The following ACYP2 variants were observed in gnomAD, a reference collection of about 807,000 sequenced individuals.
ACYP2 encodes acylphosphatase 2, also known as acylphosphatase-2.
ACYP2 carries 12 observed loss-of-function variants against 11.2 expected under a neutral mutation model. The observed-to-expected ratio is 1.08, with a 90% CI of 0.69 to 1.74. ACYP2 has a LOEUF of 1.74. ACYP2 is among the 40% of genes most tolerant of loss of function. The pLI is 0.00. For missense variants in ACYP2, 134 were observed against 101.9 expected, an observed-to-expected ratio of 1.31 and a Z score of -1.35; for synonymous variants, 43 against 32.2, an observed-to-expected ratio of 1.33 and a Z score of -1.13.
intron 6 of ACYP2, among the ~76,000 whole-genome samples, chr2:54,280,337 G>T (rs1688792364): frequency 6.6e-6 from 1 of 152,188 alleles, no homozygotes; most frequent in African/African-American, 2.4e-5. Context: ...CAGAATGCAG[G>T]AGGAAGAGCA....
At chr2:54,002,685 C>G (rs1013305463) in intron 2 of ACYP2, among the ~76,000 whole-genome samples, 5 of 138,270 alleles carry the variant, frequency 3.6e-5, no homozygotes, top group Non-Finnish European at 7.8e-5. Flanking sequence ...GAGTTTCGCT[C>G]TTGCTGCCCA....
chr2:54,274,267 C>T (rs1273960528), intron 6 of ACYP2, among the ~76,000 whole-genome samples: 2 of 152,094 alleles, frequency 1.3e-5, no homozygotes, highest in East Asian at 1.9e-4. Flanking sequence ...ATTGCAAGAA[C>T]AGGGCAGGAA....
chr2:54,008,852 C>CA (rs927732220), intron 2 of ACYP2, among the ~76,000 whole-genome samples: 7 of 151,878 alleles, frequency 4.6e-5, no homozygotes, highest in African/African-American at 1.7e-4. Context: ...AAAGTTGTGT[C>CA]AAAAAAATAT....
At chr2:54,131,110 CTTAAAA>C (rs1466315355) in intron 4 of ACYP2, among the ~76,000 whole-genome samples, 1 of 152,222 alleles carries the variant, frequency 6.6e-6, no homozygotes, top group Non-Finnish European at 1.5e-5. Flanking sequence ...ATTCTTTGCA[CTTAAAA>C]TTAGACAATT....
At chr2:54,060,663 G>C (rs1420794072) in intron 4 of ACYP2, among the ~76,000 whole-genome samples, 4 of 152,164 alleles carry the variant, frequency 2.6e-5, no homozygotes, top group Admixed American at 6.5e-5. Context: ...TGGTATGATA[G>C]AATTTTATCA....
At chr2:54,192,506 T>C (rs528747464) in intron 6 of ACYP2, among the ~76,000 whole-genome samples, 7 of 152,188 alleles carry the variant, frequency 4.6e-5, no homozygotes, top group Non-Finnish European at 1.0e-4. Context: ...GAAGATAACA[T>C]ATCCAGTTTT....
intron 4 of ACYP2, among the ~76,000 whole-genome samples, chr2:54,069,797 T>A (rs907164789): frequency 1.3e-5 from 2 of 152,196 alleles, no homozygotes; most frequent in Admixed American, 6.5e-5. Context: ...GGCCACTAAG[T>A]TTTTGAATTT....
intron 2 of ACYP2, chr2:54,029,893 G>T: frequency 3.9e-6 from 1 of 256,346 alleles, no homozygotes; most frequent in Non-Finnish European, 7.4e-6. Flanking sequence ...GCCGGGTCCG[G>T]CTGTGTTTTC....
chr2:53,985,186 C>T (rs1671974949), intron 2 of ACYP2, among the ~76,000 whole-genome samples: 1 of 151,820 alleles, frequency 6.6e-6, no homozygotes, highest in Non-Finnish European at 1.5e-5. Flanking sequence ...TCTCCTGCCT[C>T]AGCCTCCCGA....
intron 6 of ACYP2, among the ~76,000 whole-genome samples, chr2:54,226,313 G>A (rs1386211805): frequency 6.6e-6 from 1 of 152,196 alleles, no homozygotes; most frequent in African/African-American, 2.4e-5. Context: ...CAAAGATATT[G>A]AGCGTCTGGA....
intron 2 of ACYP2, among the ~76,000 whole-genome samples, chr2:54,017,082 G>C (rs552473530): frequency 5.3e-5 from 8 of 152,070 alleles, no homozygotes; most frequent in Admixed American, 2.6e-4. Context: ...GGGTTGAAAA[G>C]GGCAAAAGGG....
At chr2:54,255,175 G>A (rs1345082195) in intron 6 of ACYP2, 1 of 1,614,208 alleles carries the variant, frequency 6.2e-7, no homozygotes, top group South Asian at 1.1e-5. Flanking sequence ...CATGATTAGA[G>A]TGGAAAAAGA....
At chr2:54,150,766 G>C (rs1329652372) in intron 6 of ACYP2, among the ~76,000 whole-genome samples, 1 of 139,714 alleles carries the variant, frequency 7.2e-6, no homozygotes, top group Non-Finnish European at 1.5e-5. Flanking sequence ...TTGTGAGACG[G>C]AGTCTTGCTC....
At chr2:54,262,372 T>C (rs1436745607) in intron 6 of ACYP2, among the ~76,000 whole-genome samples, 1 of 152,262 alleles carries the variant, frequency 6.6e-6, no homozygotes, top group African/African-American at 2.4e-5. Context: ...AACTAAGTAA[T>C]ACGTTTTAAA....
intron 6 of ACYP2, among the ~76,000 whole-genome samples, chr2:54,206,148 C>A (rs1300964984): frequency 6.6e-6 from 1 of 152,106 alleles, no homozygotes; most frequent in Admixed American, 6.5e-5. Flanking sequence ...GCCTCCTCAC[C>A]CTCTTATACC....
intron 6 of ACYP2, among the ~76,000 whole-genome samples, chr2:54,166,454 G>A (rs1048234175): frequency 6.6e-6 from 1 of 152,114 alleles, no homozygotes; most frequent in African/African-American, 2.4e-5. Context: ...GAAAACTCTT[G>A]AGACTGAATA....
intron 6 of ACYP2, among the ~76,000 whole-genome samples, chr2:54,175,833 C>G (rs750084163): frequency 6.6e-5 from 10 of 152,144 alleles, no homozygotes; most frequent in Non-Finnish European, 1.0e-4. Context: ...ATGTTTGTAT[C>G]CCTCCAAAAT....
intron 5 of ACYP2, among the ~76,000 whole-genome samples, chr2:54,138,362 G>C (rs747724621): frequency 2.0e-5 from 3 of 152,126 alleles, no homozygotes; most frequent in Non-Finnish European, 2.9e-5. Flanking sequence ...ACACATCATA[G>C]GAACTGTTTC....
chr2:54,287,176 A>G (rs376213555), intron 6 of ACYP2, among the ~76,000 whole-genome samples: 3 of 152,086 alleles, frequency 2.0e-5, no homozygotes, highest in African/African-American at 7.3e-5. Context: ...GTGTCTGATA[A>G]TGGCCTGATC....
Sources: allele counts gnomAD v4.1 joint callset (sites outside exome capture counted in the v4.1 genomes callset), GRCh38; gene constraint gnomAD v4.1.1; transcripts MANE v1.5; gene names NCBI Gene and HGNC (gene_info 2026-07-23, HGNC 2026-07-21).